Variants in WDR4 observed in about 807,000 individuals in gnomAD.
The protein encoded by WDR4 is WDR4 tRNA N7-guanosine methyltransferase non-catalytic subunit, also known as tRNA (guanine-N(7)-)-methyltransferase non-catalytic subunit WDR4.
Under a neutral mutation model 48.6 loss-of-function variants are expected in WDR4, and 47 were observed. The observed-to-expected ratio is 0.97, with a 90% CI of 0.77 to 1.23. The LOEUF (loss-of-function observed/expected upper bound fraction) is 1.23, where lower values mean the gene tolerates loss of function less well. Ranked by LOEUF, WDR4 falls within the 50% of genes most tolerant of loss-of-function variation. The pLI is 0.00. For missense variants in WDR4, 606 were observed against 551.6 expected, an observed-to-expected ratio of 1.10 and a Z score of -0.99; for synonymous variants, 268 against 230.0, an observed-to-expected ratio of 1.17 and a Z score of -1.49.
chr21:42,867,044 C>T (rs1046074903), intron 3 of WDR4, among the ~76,000 whole-genome samples: 20 of 152,176 alleles, frequency 1.3e-4, no homozygotes. Flanking sequence ...ATCTTCCACA[C>T]CACCTAAGGC....
At chr21:42,859,792 G>GC in intron 5 of WDR4, 70 bp from the exon 6 acceptor site, 1 of 1,480,326 alleles carries the variant, frequency 6.8e-7, no homozygotes, top group Non-Finnish European at 9.2e-7. Context: ...GCCTGGGGAG[G>GC]CCGCCTGTTC....
Position 42,859,646 on chromosome 21 carries a change from T to C in WDR4, c.627+16A>G. 7.6e-7 allele frequency: 1 copy of C among 1,309,602 alleles called. No homozygotes were observed. The highest frequency in any genetic ancestry group is 1.0e-6 in the Non-Finnish European group (1 of 991,840). The allele number at this position is 1,309,602 out of a possible 1,614,324, so 81.1% of individuals were successfully genotyped here. The stretch of plus-strand genomic sequence containing the variant: ...TCAAGAATCCAGAGGTGAGTGACGC[T>C]GGGCAGAACACTTACCCCAGAGGAG... On this transcript the variant is annotated intron_variant, in intron 6 of 10. Coordinates refer to ENST00000398208, the MANE Select transcript of WDR4 (RefSeq NM_018669.6).
At chr21:42,882,398 A>T (rs1038053298), upstream of WDR4, among the ~76,000 whole-genome samples, 4 of 150,432 alleles carry the variant, frequency 2.7e-5, no homozygotes, top group African/African-American at 9.8e-5. Flanking sequence ...CCCCATCTCT[A>T]CTAAAAATAC....
upstream of WDR4, chr21:42,879,719 A>G (rs1262673277): frequency 1.9e-6 from 1 of 540,432 alleles, no homozygotes; most frequent in African/African-American, 1.9e-5. Flanking sequence ...TTCACTCACC[A>G]AGGTGATCTG....
chr21:42,891,817 C>T, the WDR4 span, among the ~76,000 whole-genome samples: 2 of 151,714 alleles, frequency 1.3e-5, no homozygotes, highest in Non-Finnish European at 1.5e-5. Flanking sequence ...ATTAGCCGGG[C>T]GTGGTGGCTC....
chr21:42,855,050 G>T (rs1490947380), intron 7 of WDR4, among the ~76,000 whole-genome samples: 1 of 151,984 alleles, frequency 6.6e-6, no homozygotes, highest in Admixed American at 6.5e-5. Context: ...CAGCTACTCA[G>T]GAGCCTGAGG....
upstream of WDR4, among the ~76,000 whole-genome samples, chr21:42,881,051 G>A (rs148544305): frequency 2.7e-3 from 415 of 151,862 alleles, 4 homozygotes; most frequent in African/African-American, 9.2e-3. Context: ...GACTACAGGC[G>A]CCCGCCACCA....
intron 6 of WDR4, 43 bp downstream of exon 6, chr21:42,859,619 G>A (rs751102127): frequency 8.7e-5 from 53 of 608,878 alleles, no homozygotes; most frequent in Non-Finnish European, 1.4e-4. Context: ...CTCCCTGCAG[G>A]CTCAAGAATC....
At chr21:42,863,233 C>A (rs111456499) in intron 4 of WDR4, among the ~76,000 whole-genome samples, 5 of 152,222 alleles carry the variant, frequency 3.3e-5, no homozygotes, top group Non-Finnish European at 7.3e-5. Flanking sequence ...ATTCTCCCCA[C>A]CAAACGCTGG....
At chr21:42,864,552 G>A (rs1218247056) in intron 3 of WDR4, among the ~76,000 whole-genome samples, 1 of 152,198 alleles carries the variant, frequency 6.6e-6, no homozygotes, top group South Asian at 2.1e-4. Flanking sequence ...AGGAAGCTCG[G>A]TTATCCAGCG....
At chr21:42,881,701 CAT>C (rs2058612203), upstream of WDR4, among the ~76,000 whole-genome samples, 1 of 152,234 alleles carries the variant, frequency 6.6e-6, no homozygotes, top group Non-Finnish European at 1.5e-5. Flanking sequence ...GCTAATGCCA[CAT>C]GTTACAGTAG....
chr21:42,861,441 G>A (rs928057258), intron 5 of WDR4, among the ~76,000 whole-genome samples: 1 of 152,054 alleles, frequency 6.6e-6, no homozygotes, highest in Admixed American at 6.5e-5. Flanking sequence ...CATTTCCCTA[G>A]AAGGGTGAGA....
chr21:42,855,780 C>A lies in WDR4; in HGVS notation c.628G>T (p.Asp210Tyr), dbSNP rs1451088088. 2.6e-6 allele frequency: 4 copies of A among 1,547,410 alleles called. No homozygotes were observed. Among genetic ancestry groups the A allele is most frequent in the Non-Finnish European group, 3.5e-6 (4 of 1,144,096 alleles). ...TACTCCCAGAGCCTCAGGGTGCCGT[C>A]CTGCACAAACCAAACACACAGGTTA... Reference protein sequence around the residue: ...QPGLLLSSSGDGTLRLWEYRS... With the variant: ...QPGLLLSSSGYGTLRLWEYRS... Residue 210 changes from aspartate (D) to tyrosine (Y), a missense_variant and splice_region_variant, in exon 7 of 11, where the codon GAC (aspartate) becomes TAC (tyrosine). Transcript: ENST00000398208.
chr21:42,854,478 G>T, intron 8 of WDR4, 84 bp downstream of exon 8: 1 of 1,386,722 alleles, frequency 7.2e-7, no homozygotes, highest in Non-Finnish European at 9.8e-7. Context: ...CTTCATTGAG[G>T]ACGTGGGCCA....
rs1321260017 is a variant in WDR4, at chr21:42,862,819, C to T, written c.454-425G>A. On this transcript the variant is annotated intron_variant, in intron 4 of 10. Transcript: ENST00000398208. The surrounding 1 kb of genome is among the most constrained non-coding windows in gnomAD (Gnocchi z 4.3). Reference sequence around the variant, plus strand: ...TGTCACCAAGTCCCAGTGAGGTTCCCTTTGATACCCCACACTCGCCATTGT... The same window carrying T: ...TGTCACCAAGTCCCAGTGAGGTTCCTTTTGATACCCCACACTCGCCATTGT... Among the ~76,000 whole-genome samples the T allele has an allele frequency of 6.6e-6, 1 of 152,188 alleles. No homozygotes were observed. Among genetic ancestry groups the T allele is most frequent in the Non-Finnish European group, 1.5e-5 (1 of 68,034 alleles).
chr21:42,891,486 C>T, the WDR4 span, among the ~76,000 whole-genome samples: 121 of 152,132 alleles, frequency 8.0e-4, 1 homozygote, highest in South Asian at 7.5e-3. Flanking sequence ...CGCATGTGCC[C>T]GCTGGTGGTG....
intron 8 of WDR4, among the ~76,000 whole-genome samples, chr21:42,854,097 A>G (rs2057918533): frequency 6.6e-6 from 1 of 152,224 alleles, no homozygotes; most frequent in African/African-American, 2.4e-5. Context: ...GGCTGTCATA[A>G]GGACAAGATG....
rs776906461 is a variant in WDR4, at chr21:42,864,107, CAAAAAAA to C, written c.297-518_297-512del. ...GGGGCGACAGAGCGAGACTCCGTCT[CAAAAAAA>C]AAAAAAAAAAAAAAAAGAAAAGAAT... On this transcript the variant is annotated intron_variant, in intron 3 of 10. Coordinates refer to ENST00000398208, the MANE Select transcript of WDR4 (RefSeq NM_018669.6). 6.3e-4 allele frequency among the ~76,000 whole-genome samples: 32 copies of C among 50,544 alleles called. No individual in the cohort carries two copies. The South Asian group carries it at 0.017, about 26-fold the overall frequency. 33.2% of individuals were successfully genotyped at this position (50,544 alleles called of 152,430 possible). A position where few individuals can be genotyped will look rare whatever the true frequency, so the allele number is the denominator to read the frequency against.
intron 3 of WDR4, 51 bp downstream of exon 3, chr21:42,873,500 G>A (rs2058418857): frequency 1.2e-6 from 2 of 1,605,752 alleles, no homozygotes; most frequent in Non-Finnish European, 1.7e-6. Flanking sequence ...AGGCATGCAA[G>A]GATAAGGTGT....
Sources: allele counts gnomAD v4.1 joint callset (sites outside exome capture counted in the v4.1 genomes callset), GRCh38; gene constraint gnomAD v4.1.1; non-coding constraint Gnocchi (gnomAD v3.1); transcripts MANE v1.5; gene names NCBI Gene and HGNC (gene_info 2026-07-23, HGNC 2026-07-21).